PSMD6: variants seen among roughly 807,000 people sequenced by gnomAD.
PSMD6 encodes the protein 26S proteasome non-ATPase regulatory subunit 6.
PSMD6 carries 7 observed loss-of-function variants against 44.9 expected under a neutral mutation model. That is an observed-to-expected ratio of 0.16 (90% confidence interval 0.09 to 0.29). The LOEUF (loss-of-function observed/expected upper bound fraction) is 0.29. PSMD6 is among the 10% of genes least tolerant of loss of function. The pLI, the probability that PSMD6 is intolerant of heterozygous loss-of-function variation, is 1.00. For missense variants in PSMD6, 420 were observed against 482.6 expected, an observed-to-expected ratio of 0.87 and a Z score of 1.21; for synonymous variants, 184 against 172.7, an observed-to-expected ratio of 1.07 and a Z score of -0.51.
At chr3:64,013,258 A>G in intron 6 of PSMD6, 181 bp downstream of exon 6, 1 of 541,688 alleles carries the variant, frequency 1.8e-6, no homozygotes, top group Non-Finnish European at 3.2e-6. Flanking sequence ...AGGGGCAGAC[A>G]TGACATGAGG....
At position 64,023,405 on chromosome 3, in the gene PSMD6, G is replaced by C. The variant is rs1213848141; in HGVS notation, c.15C>G (p.Asn5Lys). ...TCTTGGGCAGACCCTCCTCCTCCAG[G>C]TTCTCCAGCGGCATCGCGGCGAAGG... MPLE[N>K]LEEEGLPKNP... Residue 5 changes from asparagine to lysine, a missense_variant, in exon 1 of 8, where the codon AAC (asparagine) becomes AAG (lysine). Physicochemically the swap from Asn to Lys is moderately conservative, Grantham distance 94. Coordinates refer to ENST00000295901, the MANE Select transcript of PSMD6 (RefSeq NM_014814.3). The C allele has an allele frequency of 6.2e-7, 1 of 1,603,492 alleles. No homozygotes were observed. The highest frequency in any genetic ancestry group is 1.7e-5 in the Admixed American group (1 of 59,528).
chr3:64,023,388 A>G lies in PSMD6; in HGVS notation c.32T>C (p.Leu11Pro). The G allele has an allele frequency of 1.2e-6, 2 of 1,609,756 alleles. No individual in the cohort carries two copies. The highest frequency in any genetic ancestry group is 1.7e-6 in the Non-Finnish European group (2 of 1,177,320). MPLENLEEEG[L>P]PKNPDLRIAQ... ...GATACGCAAGTCGGGGTTCTTGGGCAGACCCTCCTCCTCCAGGTTCTCCAG... is the reference window on the plus strand; with the variant it reads ...GATACGCAAGTCGGGGTTCTTGGGCGGACCCTCCTCCTCCAGGTTCTCCAG... The change falls in exon 1 of 8, where the codon CTG becomes CCG. Residue 11 changes from leucine (L) to proline (P), a missense_variant. By Grantham distance (98) the Leu-to-Pro change is moderately conservative. This residue lies in a region of PSMD6 where 136 missense variants were observed against 124.2 expected (regional missense o/e 1.09). Coordinates refer to ENST00000295901, the MANE Select transcript of PSMD6 (RefSeq NM_014814.3).
chr3:64,022,819 C>T (rs1345069866), intron 1 of PSMD6: 2 of 1,535,848 alleles, frequency 1.3e-6, no homozygotes. Flanking sequence ...CAGGGAAAGA[C>T]TTTTTATACA....
chr3:64,018,710 A>C lies in PSMD6; in HGVS notation c.718-3T>G. 1 of 1,568,804 alleles carries C rather than the reference A, an allele frequency of 6.4e-7. No homozygotes were observed. Among genetic ancestry groups the C allele is most frequent in the Non-Finnish European group, 8.7e-7 (1 of 1,146,662 alleles). On this transcript the variant is annotated splice_polypyrimidine_tract_variant and splice_region_variant and intron_variant, in intron 4 of 7. Coordinates refer to ENST00000295901, the MANE Select transcript of PSMD6 (RefSeq NM_014814.3). ...AGAATCTCTGCTCCTTTAATGACCT[A>C]GGTATTTTAAAAAACATATATACAA...
Position 64,023,044 on chromosome 3 carries a change from C to G in PSMD6, c.145+231G>C, listed in dbSNP as rs907436734. ...TGCCTCACGATTCTCCCCCAAGCTG[C>G]CCTTACAGGGGAAGGCGGCACAGAG... On this transcript the variant is annotated intron_variant, in intron 1 of 7. Coordinates refer to ENST00000295901, the MANE Select transcript of PSMD6 (RefSeq NM_014814.3). The G allele has an allele frequency of 7.7e-6, 11 of 1,428,176 alleles. No homozygotes were observed. In the African/African-American group the frequency reaches 1.6e-4, roughly 21 times the overall value. The allele number at this position is 1,428,176 out of a possible 1,614,324, so 88.5% of individuals were successfully genotyped here. A position where few individuals can be genotyped will look rare whatever the true frequency, so the allele number is the denominator to read the frequency against.
intron 5 of PSMD6, 117 bp from the exon 6 acceptor site, chr3:64,013,724 T>A (rs1286893425): frequency 1.1e-6 from 1 of 899,390 alleles, no homozygotes; most frequent in African/African-American, 1.7e-5. Flanking sequence ...ATCAAATTTC[T>A]CACTGCCCTT....
intron 5 of PSMD6, chr3:64,018,360 T>C (rs1301195354): frequency 8.7e-6 from 3 of 346,270 alleles, no homozygotes; most frequent in Non-Finnish European, 1.6e-5. Flanking sequence ...CATCCTCCTT[T>C]TTTAAACAAC....
In PSMD6 at chr3:64,018,588, C is replaced by G; in HGVS notation, c.826+11G>C. The G allele has an allele frequency of 6.6e-7, 1 of 1,523,586 alleles. No homozygotes were observed. The highest frequency in any genetic ancestry group is 9.1e-7 in the Non-Finnish European group (1 of 1,101,954). The allele number at this position is 1,523,586 out of a possible 1,614,324, so 94.4% of individuals were successfully genotyped here. A position where few individuals can be genotyped will look rare whatever the true frequency, so the allele number is the denominator to read the frequency against. On this transcript the variant is annotated intron_variant, in intron 5 of 7. Coordinates refer to ENST00000295901, the MANE Select transcript of PSMD6 (RefSeq NM_014814.3). ...AAGACAGATAATCAAAAATATCAAC[C>G]CTATCCTTACCTAATGATTGGAAGA...
At chr3:64,014,036 A>C (rs3816156) in intron 5 of PSMD6, 1 of 153,118 alleles carries the variant, frequency 6.5e-6, no homozygotes, top group African/African-American at 2.4e-5. Flanking sequence ...ATTTTCAAAA[A>C]GCAACAAAAC....
intron 1 of PSMD6, 62 bp downstream of exon 1, chr3:64,023,213 G>A (rs2076161534): frequency 3.4e-6 from 5 of 1,486,362 alleles, no homozygotes; most frequent in South Asian, 2.5e-5. Context: ...GTCCCCGCAG[G>A]CTCCGGAACG....
chr3:64,018,434 C>T (rs1331898366), intron 5 of PSMD6, 165 bp downstream of exon 5: 7 of 550,712 alleles, frequency 1.3e-5, no homozygotes, highest in Non-Finnish European at 2.3e-5. Flanking sequence ...ATCTGATGAC[C>T]CTTCTTCTAA....
intron 5 of PSMD6, 80 bp from the exon 6 acceptor site, chr3:64,013,687 T>C: frequency 7.7e-7 from 1 of 1,297,928 alleles, no homozygotes; most frequent in Non-Finnish European, 1.0e-6. Flanking sequence ...ACACTACTAG[T>C]TGAGTCCAAC....
In PSMD6 at chr3:64,018,727, T is replaced by C; in HGVS notation, c.718-20A>G. 6.6e-7 allele frequency: 1 copy of C among 1,521,238 alleles called. No homozygotes were observed. Among genetic ancestry groups the C allele is most frequent in the African/African-American group, 1.5e-5 (1 of 64,598 alleles). 94.2% of individuals were successfully genotyped at this position (1,521,238 alleles called of 1,614,324 possible). A position where few individuals can be genotyped will look rare whatever the true frequency, so the allele number is the denominator to read the frequency against. Reference sequence around the variant, plus strand: ...AATGACCTAGGTATTTTAAAAAACATATATACAAAAAAAATGTACATTTTA... The same window carrying C: ...AATGACCTAGGTATTTTAAAAAACACATATACAAAAAAAATGTACATTTTA... On this transcript the variant is annotated intron_variant, in intron 4 of 7. Coordinates refer to ENST00000295901, the MANE Select transcript of PSMD6 (RefSeq NM_014814.3).
chr3:64,023,092 A>C (rs2076158746), intron 1 of PSMD6, 183 bp downstream of exon 1: 1 of 1,426,834 alleles, frequency 7.0e-7, no homozygotes, highest in Middle Eastern at 2.6e-4. Context: ...CGCTGAGGCA[A>C]GTCGAGGTCC....
intron 6 of PSMD6, chr3:64,011,375 A>G (rs1025234366): frequency 6.5e-6 from 1 of 153,452 alleles, no homozygotes; most frequent in Non-Finnish European, 1.5e-5. Flanking sequence ...TTACTAAAAC[A>G]ACGACCCTTT....
chr3:64,015,682 A>G (rs1295417548), intron 5 of PSMD6: 1 of 152,216 alleles, frequency 6.6e-6, no homozygotes, highest in Non-Finnish European at 1.5e-5. Flanking sequence ...ACAATACACA[A>G]AAGTGTTACA....
chr3:64,014,320 G>A (rs893770540), intron 5 of PSMD6: 4 of 152,032 alleles, frequency 2.6e-5, no homozygotes, highest in African/African-American at 9.7e-5. Context: ...TGAACCAGAA[G>A]ACAAGACCCT....
intron 1 of PSMD6, 144 bp from the exon 2 acceptor site, chr3:64,022,667 TA>T: frequency 6.5e-7 from 1 of 1,541,226 alleles, no homozygotes; most frequent in Non-Finnish European, 8.7e-7. Flanking sequence ...TGGCGCTTAA[TA>T]ATCGGCTTGG....
chr3:64,023,249 T>C, intron 1 of PSMD6, 26 bp downstream of exon 1: 4 of 1,545,464 alleles, frequency 2.6e-6, no homozygotes, highest in Non-Finnish European at 3.5e-6. Flanking sequence ...CCTAGGCCGC[T>C]GACTCGGCGC....
Sources: gnomAD v4.1 joint callset for allele counts on GRCh38, gnomAD v4.1.1 for gene constraint, gnomAD v4.1.1 regional missense constraint, MANE v1.5 for transcripts, NCBI Gene and HGNC (gene_info 2026-07-23, HGNC 2026-07-21) for gene names.